LRRC4C: variants seen among roughly 807,000 people sequenced by gnomAD.
LRRC4C encodes leucine rich repeat containing 4C.
A neutral mutation model predicts 33.6 loss-of-function variants in LRRC4C; 5 were observed. The ratio of observed to expected loss-of-function variants is 0.15; its 90% CI spans 0.08 to 0.31. The LOEUF is 0.31. LRRC4C is among the 10% of genes least tolerant of loss of function. The pLI is 1.00. For missense variants in LRRC4C, 560 were observed against 796.7 expected, an observed-to-expected ratio of 0.70 and a Z score of 3.58; for synonymous variants, 329 against 302.0, an observed-to-expected ratio of 1.09 and a Z score of -0.93.
intron 3 of LRRC4C, among the ~76,000 whole-genome samples, chr11:40,550,700 T>A (rs1434897490): frequency 6.6e-6 from 1 of 152,138 alleles, no homozygotes; most frequent in Non-Finnish European, 1.5e-5. Context: ...CAGAATGGTA[T>A]TCAGGCAGAG....
chr11:41,008,192 T>G (rs1440911281), intron 1 of LRRC4C, among the ~76,000 whole-genome samples: 1 of 152,108 alleles, frequency 6.6e-6, no homozygotes, highest in Non-Finnish European at 1.5e-5. Context: ...TTTCTTCTTC[T>G]TTGCTTTCTC....
chr11:41,117,063 A>G (rs2135737098), intron 1 of LRRC4C, among the ~76,000 whole-genome samples: 1 of 152,282 alleles, frequency 6.6e-6, no homozygotes, highest in Non-Finnish European at 1.5e-5. Context: ...ACACTGGAAC[A>G]CTGGCAGCCC....
intron 1 of LRRC4C, among the ~76,000 whole-genome samples, chr11:41,444,758 G>A (rs1955765813): frequency 6.6e-6 from 1 of 151,772 alleles, no homozygotes; most frequent in Non-Finnish European, 1.5e-5. Context: ...AAAGTGGAGA[G>A]AAAATAAGAT....
chr11:41,181,380 A>G (rs1945442576), intron 1 of LRRC4C, among the ~76,000 whole-genome samples: 1 of 152,090 alleles, frequency 6.6e-6, no homozygotes, highest in Non-Finnish European at 1.5e-5. Context: ...GGGGAAAAAA[A>G]GGCATCCAAC....
At chr11:41,203,370 A>T (rs1449891141) in intron 1 of LRRC4C, among the ~76,000 whole-genome samples, 2 of 152,240 alleles carry the variant, frequency 1.3e-5, no homozygotes, top group Admixed American at 6.5e-5. Context: ...GGTAACAAGA[A>T]TTCAAATACT....
At chr11:40,262,599 T>C (rs1941937970) in intron 4 of LRRC4C, among the ~76,000 whole-genome samples, 1 of 152,170 alleles carries the variant, frequency 6.6e-6, no homozygotes, top group Non-Finnish European at 1.5e-5. Context: ...CCATCAATGA[T>C]AGACTGGATA....
At chr11:40,631,927 A>G (rs1022759223) in intron 3 of LRRC4C, among the ~76,000 whole-genome samples, 54 of 152,314 alleles carry the variant, frequency 3.5e-4, no homozygotes, top group African/African-American at 1.2e-3. Context: ...ACTTAAAACT[A>G]TCAATGAAAC....
chr11:40,540,152 A>G (rs1956644797), intron 3 of LRRC4C, among the ~76,000 whole-genome samples: 1 of 152,224 alleles, frequency 6.6e-6, no homozygotes, highest in Non-Finnish European at 1.5e-5. Context: ...CAACTCTACT[A>G]TTCAGTGCTT....
rs554879200 is a variant in LRRC4C at position 41,407,942 on chromosome 11, T to C, written c.-496+51489A>G. On this transcript the variant is annotated intron_variant, in intron 1 of 6. Coordinates refer to ENST00000528697, the MANE Select transcript of LRRC4C (RefSeq NM_001258419.2). ...TGTGGAAAGCTTCTCAGAGACAGCTTGCCTTGCCCTGGAGGTGCCTGTGAG... is the reference window on the plus strand; with the variant it reads ...TGTGGAAAGCTTCTCAGAGACAGCTCGCCTTGCCCTGGAGGTGCCTGTGAG... Among the ~76,000 whole-genome samples the C allele has an allele frequency of 3.9e-5, 6 of 152,276 alleles. No individual in the cohort carries two copies. In the South Asian group the frequency reaches 1.2e-3, roughly 32 times the overall value.
intron 1 of LRRC4C, among the ~76,000 whole-genome samples, chr11:41,200,520 T>C (rs1400006670): frequency 1.3e-5 from 2 of 152,158 alleles, no homozygotes; most frequent in Non-Finnish European, 2.9e-5. Context: ...CATCCTTTTT[T>C]TTTAAATTTT....
intron 1 of LRRC4C, among the ~76,000 whole-genome samples, chr11:40,951,391 C>A (rs1198510371): frequency 6.6e-6 from 1 of 151,294 alleles, no homozygotes; most frequent in Admixed American, 6.6e-5. Flanking sequence ...TTAGTTTAAT[C>A]TGGCAAGTTG....
chr11:40,471,615 A>G (rs992475212), intron 3 of LRRC4C, among the ~76,000 whole-genome samples: 3 of 151,684 alleles, frequency 2.0e-5, no homozygotes, highest in South Asian at 2.1e-4. Context: ...GACCCATCTC[A>G]CATGCAAAGA....
intron 2 of LRRC4C, among the ~76,000 whole-genome samples, chr11:40,710,730 G>C (rs2039415301): frequency 6.6e-6 from 1 of 152,186 alleles, no homozygotes; most frequent in South Asian, 2.1e-4. Context: ...GCTCTCTTCA[G>C]AGCTGTCAGA....
intron 5 of LRRC4C, among the ~76,000 whole-genome samples, chr11:40,173,601 T>C (rs1021905981): frequency 6.6e-6 from 1 of 152,168 alleles, no homozygotes; most frequent in African/African-American, 2.4e-5. Context: ...TACAATTCAA[T>C]CTGAGACTAC....
At chr11:40,745,495 A>G (rs1329735842) in intron 2 of LRRC4C, among the ~76,000 whole-genome samples, 6 of 152,320 alleles carry the variant, frequency 3.9e-5, no homozygotes, top group Non-Finnish European at 8.8e-5. Flanking sequence ...AAAGCATAGT[A>G]ATAAGGGCTA....
At chr11:40,971,563 T>C (rs355234) in intron 1 of LRRC4C, among the ~76,000 whole-genome samples, 114,440 of 152,058 alleles carry the variant, frequency 0.75, 43,733 homozygotes, top group Non-Finnish European at 0.82. Flanking sequence ...AGAACCTCTA[T>C]TAGAGTAGCA....
At chr11:41,253,039 T>G (rs1948691929) in intron 1 of LRRC4C, among the ~76,000 whole-genome samples, 1 of 152,134 alleles carries the variant, frequency 6.6e-6, no homozygotes, top group Admixed American at 6.6e-5. Flanking sequence ...ACCAAAATGT[T>G]ATTTTGAGTA....
intron 1 of LRRC4C, among the ~76,000 whole-genome samples, chr11:41,159,398 G>A (rs1944369392): frequency 1.3e-5 from 2 of 152,100 alleles, no homozygotes; most frequent in South Asian, 4.1e-4. Flanking sequence ...GAAGCTGAAG[G>A]AGGAAGCAAC....
chr11:40,421,329 C>A (rs777744246), intron 3 of LRRC4C, among the ~76,000 whole-genome samples: 1 of 152,180 alleles, frequency 6.6e-6, no homozygotes, highest in African/African-American at 2.4e-5. Flanking sequence ...GCCTTTGGGT[C>A]AAAGTCACTG....
Sources: gnomAD v4.1 joint callset for allele counts (sites outside exome capture counted in the v4.1 genomes callset) on GRCh38, gnomAD v4.1.1 for gene constraint, MANE v1.5 for transcripts, NCBI Gene and HGNC (gene_info 2026-07-23, HGNC 2026-07-21) for gene names.